PPP1R12C: variants seen among roughly 807,000 people sequenced by gnomAD.
PPP1R12C encodes the protein leukocyte receptor cluster (LRC) encoded novel gene 3.
PPP1R12C carries 48 observed loss-of-function variants against 95.6 expected under a neutral mutation model. The observed-to-expected ratio is 0.50, with a 90% CI of 0.40 to 0.64. The LOEUF is 0.64. Ranked by LOEUF, PPP1R12C falls within the 30% of genes least tolerant of loss-of-function variation. The pLI, the probability that PPP1R12C is intolerant of heterozygous loss-of-function variation, is 0.00. For missense variants in PPP1R12C, 1,057 were observed against 1,083.3 expected (o/e 0.98, Z 0.34); for synonymous variants, 480 against 460.8 (o/e 1.04, Z -0.53).
chr19:55,113,067 C>T, intron 1 of PPP1R12C: 1 of 563,360 alleles, frequency 1.8e-6, no homozygotes, highest in South Asian at 2.4e-5. Context: ...GGGGGCTTCT[C>T]ATCTGGGTGC....
rs895139199 is a variant in PPP1R12C, at chr19:55,095,660, A to G, written c.1228-57T>C. The G allele has an allele frequency of 4.0e-6, 6 of 1,509,634 alleles. No individual in the cohort carries two copies. In the Admixed American group the frequency reaches 1.3e-4, roughly 34 times the overall value. 93.5% of individuals were successfully genotyped at this position (1,509,634 alleles called of 1,614,324 possible). On this transcript the variant is annotated intron_variant, in intron 9 of 21. Transcript: ENST00000263433. ...AAAGGATCCCTCTTCTCAGACCTCAAGGGTTAGCCCCCAAAGGACTGCAAC... is the reference window on the plus strand; with the variant it reads ...AAAGGATCCCTCTTCTCAGACCTCAGGGGTTAGCCCCCAAAGGACTGCAAC...
intron 1 of PPP1R12C, chr19:55,113,652 C>T (rs2085122229): frequency 4.1e-6 from 5 of 1,206,208 alleles, no homozygotes; most frequent in Non-Finnish European, 1.0e-6. Context: ...GGATAAATTA[C>T]CCCCCAAGTC....
At chr19:55,092,102 C>T in intron 19 of PPP1R12C, 120 bp downstream of exon 19, 3 of 1,114,630 alleles carry the variant, frequency 2.7e-6, no homozygotes, top group Non-Finnish European at 3.8e-6. Flanking sequence ...ATCTCGGCCC[C>T]GCCCCTCAAG....
At chr19:55,114,238 T>G (rs2147215322) in intron 1 of PPP1R12C, 1 of 156,388 alleles carries the variant, frequency 6.4e-6, no homozygotes, top group African/African-American at 2.4e-5. Context: ...CCCTCCTCTC[T>G]CAAACCCAGG....
rs758566896 is a variant in PPP1R12C, at chr19:55,093,090, G to A, written c.1765-14C>T. 2 of 1,608,652 alleles carry A rather than the reference G, an allele frequency of 1.2e-6. No individual in the cohort carries two copies. Among genetic ancestry groups the A allele is most frequent in the East Asian group, 2.2e-5 (1 of 44,852 alleles). On this transcript the variant is annotated splice_polypyrimidine_tract_variant and intron_variant, in intron 14 of 21. Transcript: ENST00000263433. ...TCGGGAAGGGTCCTGTCGGGAGGGG[G>A]AGGCGAGTCAGGGAAGCAGGACATC... is the stretch of plus-strand genomic sequence containing the variant.
At position 55,096,045 on chromosome 19, in the gene PPP1R12C, C is replaced by A. The variant is rs1209907103; in HGVS notation, c.1153+6G>T. ...GGACCCAGGAGTCCAGATTCAGGCC[C>A]CTCACCGGTGGGACCTTCTTCCCCC... On this transcript the variant is annotated splice_donor_region_variant and intron_variant, in intron 8 of 21. Transcript: ENST00000263433. 1 of 1,609,348 alleles carries A rather than the reference C, an allele frequency of 6.2e-7. No individual in the cohort carries two copies. The highest frequency in any genetic ancestry group is 1.3e-5 in the African/African-American group (1 of 74,970).
Position 55,117,538 on chromosome 19 carries a change from G to T in PPP1R12C, c.6C>A (p.Ser2=). 3.0e-6 allele frequency: 3 copies of T among 1,006,014 alleles called. No individual in the cohort carries two copies. The South Asian group carries it at 1.3e-4, about 43-fold the overall frequency. 62.3% of individuals were successfully genotyped at this position (1,006,014 alleles called of 1,614,324 possible). A position where few individuals can be genotyped will look rare whatever the true frequency, so the allele number is the denominator to read the frequency against. M[S]GEDGPAAGPG... Reference sequence around the variant, plus strand: ...GGCCAGCCGCCGGGCCATCCTCTCCGGACATCGCACCGCCCGCCCGCCCAG... The same window carrying T: ...GGCCAGCCGCCGGGCCATCCTCTCCTGACATCGCACCGCCCGCCCGCCCAG... Residue 2 remains serine, a synonymous_variant, in exon 1 of 22, where the codon TCC becomes TCA. Transcript: ENST00000263433.
chr19:55,098,109 G>A (rs1180979978), intron 6 of PPP1R12C, among the ~76,000 whole-genome samples: 1 of 152,232 alleles, frequency 6.6e-6, no homozygotes, highest in Non-Finnish European at 1.5e-5. Context: ...GGCCTTGGGA[G>A]CTTCCTGTCA....
intron 3 of PPP1R12C, among the ~76,000 whole-genome samples, chr19:55,104,530 G>A (rs562981271): frequency 1.3e-5 from 2 of 151,394 alleles, no homozygotes; most frequent in Admixed American, 1.3e-4. Flanking sequence ...TGTTGAAACC[G>A]TGTCTCTCCT....
chr19:55,117,196 G>A (rs886726366), intron 1 of PPP1R12C, 27 bp downstream of exon 1: 34 of 1,221,202 alleles, frequency 2.8e-5, no homozygotes, highest in Non-Finnish European at 3.5e-5. Flanking sequence ...ACCTGGCCCC[G>A]GGAGACGCCG....
At chr19:55,111,040 C>T (rs2085089599) in intron 3 of PPP1R12C, among the ~76,000 whole-genome samples, 1 of 147,726 alleles carries the variant, frequency 6.8e-6, no homozygotes, top group Admixed American at 7.1e-5. Flanking sequence ...ACAAATCTAT[C>T]AAAAAGTTAA....
intron 1 of PPP1R12C, chr19:55,113,840 G>T: frequency 5.0e-6 from 1 of 201,382 alleles, no homozygotes; most frequent in Non-Finnish European, 9.9e-6. Flanking sequence ...GGCAAGGAGA[G>T]CAATGGGCCT....
intron 3 of PPP1R12C, among the ~76,000 whole-genome samples, chr19:55,104,078 G>A (rs1158598721): frequency 9.7e-5 from 14 of 144,520 alleles, no homozygotes; most frequent in Non-Finnish European, 1.5e-4. Flanking sequence ...CAGGAGAATC[G>A]CTTGAACCCG....
chr19:55,113,543 T>A (rs1389271978), intron 1 of PPP1R12C: 1 of 1,360,288 alleles, frequency 7.4e-7, no homozygotes, highest in African/African-American at 1.5e-5. Context: ...GTCCAGGGGG[T>A]CGGAGGAGGG....
In PPP1R12C at chr19:55,095,862, C is replaced by T; in HGVS notation, c.1227+5G>A. ...CTCACAGGACCTCTCAGGGCATCCA[C>T]TCACCACGGGACTCTTAGGGCTGGG... On this transcript the variant is annotated splice_donor_5th_base_variant and intron_variant, in intron 9 of 21. Transcript: ENST00000263433. 6.2e-7 allele frequency: 1 copy of T among 1,613,648 alleles called. No individual in the cohort carries two copies. Among genetic ancestry groups the T allele is most frequent in the Non-Finnish European group, 8.5e-7 (1 of 1,179,840 alleles).
intron 6 of PPP1R12C, among the ~76,000 whole-genome samples, chr19:55,097,240 A>C (rs1258816172): frequency 9.9e-6 from 1 of 101,018 alleles, no homozygotes; most frequent in Non-Finnish European, 1.9e-5. Flanking sequence ...CGCGCAGTTC[A>C]CCACCGTCTT....
At chr19:55,102,225 G>A (rs1363562816) in intron 4 of PPP1R12C, among the ~76,000 whole-genome samples, 1 of 152,160 alleles carries the variant, frequency 6.6e-6, no homozygotes, top group Non-Finnish European at 1.5e-5. Context: ...AACTATATAT[G>A]CACCTTGGTT....
intron 9 of PPP1R12C, 102 bp downstream of exon 9, chr19:55,095,765 T>C (rs973785344): frequency 1.4e-5 from 21 of 1,526,494 alleles, no homozygotes; most frequent in Non-Finnish European, 1.7e-5. Context: ...CTGGGAACTA[T>C]AGTCTTCCCC....
At chr19:55,091,822 G>C (rs2147174746) in intron 20 of PPP1R12C, 37 bp downstream of exon 20, 2 of 1,612,800 alleles carry the variant, frequency 1.2e-6, no homozygotes, top group Non-Finnish European at 1.7e-6. Flanking sequence ...TGAGGCTGGG[G>C]ACGCCTCTGG....
Sources: allele counts gnomAD v4.1 joint callset (sites outside exome capture counted in the v4.1 genomes callset), GRCh38; gene constraint gnomAD v4.1.1; transcripts MANE v1.5; gene names NCBI Gene and HGNC (gene_info 2026-07-23, HGNC 2026-07-21).